Variants in FER observed in about 807,000 individuals in gnomAD.
FER encodes FER tyrosine kinase, also known as tyrosine-protein kinase Fer.
A neutral mutation model predicts 111.0 loss-of-function variants in FER; 63 were observed. That is an observed-to-expected ratio of 0.57 (90% CI 0.46 to 0.70). The LOEUF (loss-of-function observed/expected upper bound fraction) is 0.70, where lower values mean the gene tolerates loss of function less well. FER is among the 30% of genes least tolerant of loss of function. FER has a pLI of 0.00. For missense variants in FER, 914 were observed against 954.0 expected, an observed-to-expected ratio of 0.96 and a Z score of 0.55; for synonymous variants, 327 against 313.9, an observed-to-expected ratio of 1.04 and a Z score of -0.44.
Position 109,012,542 on chromosome 5 carries a change from A to G in FER, c.1657-24880A>G, listed in dbSNP as rs187505490. On this transcript the variant is annotated intron_variant, in intron 13 of 19. Transcript: ENST00000281092. ...TTCAAAGTAAAAGCTTTTATTTTTA[A>G]ATCAATAACATTCAGGTAATATGAT... Among the ~76,000 whole-genome samples the G allele has an allele frequency of 3.0e-3, 460 of 152,358 alleles. 1 individual carries two copies. Among genetic ancestry groups the G allele is most frequent in the Non-Finnish European group, 4.8e-3 (328 of 68,038 alleles).
chr5:109,096,175 A>G (rs1747485619), intron 16 of FER, among the ~76,000 whole-genome samples: 1 of 152,054 alleles, frequency 6.6e-6, no homozygotes, highest in Admixed American at 6.6e-5. Context: ...TTCACAGCAC[A>G]GAGTAGCAGA....
At chr5:109,086,855 A>G (rs1205574293) in intron 16 of FER, among the ~76,000 whole-genome samples, 1 of 151,086 alleles carries the variant, frequency 6.6e-6, no homozygotes. Context: ...AGAAGCTACA[A>G]ATTTAAAATG....
chr5:109,036,353 C>T (rs1770403054), intron 13 of FER, among the ~76,000 whole-genome samples: 1 of 152,010 alleles, frequency 6.6e-6, no homozygotes, highest in African/African-American at 2.4e-5. Flanking sequence ...CCTTTGTTGA[C>T]CTAACAGAGA....
At chr5:109,129,125 A>C (rs1226468987) in intron 17 of FER, among the ~76,000 whole-genome samples, 2 of 152,172 alleles carry the variant, frequency 1.3e-5, no homozygotes, top group East Asian at 1.9e-4. Flanking sequence ...TGTTGGAACA[A>C]TTATGTAACT....
intron 13 of FER, among the ~76,000 whole-genome samples, chr5:108,995,137 C>G (rs1270443738): frequency 6.6e-6 from 1 of 152,118 alleles, no homozygotes; most frequent in Non-Finnish European, 1.5e-5. Flanking sequence ...GCCAGAACTT[C>G]TAATACTGTG....
At chr5:108,882,017 A>AAAACCTTATATATGTGTACCTAATTC (rs1765728775) in intron 8 of FER, among the ~76,000 whole-genome samples, 1 of 152,138 alleles carries the variant, frequency 6.6e-6, no homozygotes, top group Non-Finnish European at 1.5e-5. Context: ...GTATCTTAGA[A>AAAACCTTATATATGTGTACCTAATTC]AAACCTTATA....
At position 109,196,554 on chromosome 5, in the gene FER, T is replaced by C. The variant is rs1397300350; in HGVS notation, c.*8979T>C. 3 of 152,198 alleles carry C rather than the reference T, an allele frequency of 2.0e-5. No individual in the cohort carries two copies. Among genetic ancestry groups the C allele is most frequent in the Admixed American group, 6.5e-5 (1 of 15,284 alleles). 9.4% of individuals were successfully genotyped at this position (152,198 alleles called of 1,614,324 possible). On this transcript the variant is annotated 3_prime_UTR_variant, in exon 20 of 20. Coordinates refer to ENST00000281092, the MANE Select transcript of FER (RefSeq NM_005246.4). ...GTCTGAAAAATGGATGAAAGCTAAA[T>C]ATATAAAGCAGTTGGTTGTCTATCT...
chr5:109,024,945 T>C (rs1768475853), intron 13 of FER, among the ~76,000 whole-genome samples: 2 of 151,000 alleles, frequency 1.3e-5, no homozygotes, highest in African/African-American at 4.9e-5. Context: ...TACGGCCTTA[T>C]TTCTGAGGGC....
chr5:109,119,383 G>A (rs1003235702), intron 17 of FER, among the ~76,000 whole-genome samples: 49 of 152,114 alleles, frequency 3.2e-4, no homozygotes, highest in African/African-American at 1.0e-3. Flanking sequence ...ACAGTTTGTT[G>A]TAATTTCTGT....
chr5:108,971,842 A>C (rs2149699422), intron 13 of FER, among the ~76,000 whole-genome samples: 1 of 152,288 alleles, frequency 6.6e-6, no homozygotes, highest in East Asian at 1.9e-4. Context: ...TATGACATTT[A>C]CAAATATCTC....
At chr5:108,796,586 G>C (rs928314425) in intron 2 of FER, among the ~76,000 whole-genome samples, 2 of 152,102 alleles carry the variant, frequency 1.3e-5, no homozygotes, top group Non-Finnish European at 1.5e-5. Flanking sequence ...CAAGCCATGA[G>C]ACAAAGTCTT....
intron 17 of FER, among the ~76,000 whole-genome samples, chr5:109,180,509 T>G (rs1019587005): frequency 6.6e-6 from 1 of 152,156 alleles, no homozygotes; most frequent in African/African-American, 2.4e-5. Flanking sequence ...GTTTTTCTAT[T>G]TAAATGGAAA....
chr5:109,145,845 T>C (rs1240414645), intron 17 of FER, among the ~76,000 whole-genome samples: 1 of 151,894 alleles, frequency 6.6e-6, no homozygotes, highest in African/African-American at 2.4e-5. Context: ...TTTTAAGGCC[T>C]TGAGTAGATG....
At position 109,194,681 on chromosome 5, in the gene FER, A is replaced by G. The variant is rs946406049; in HGVS notation, c.*7106A>G. On this transcript the variant is annotated 3_prime_UTR_variant, in exon 20 of 20. Transcript: ENST00000281092. ...CTTCTTTTGAAAGTATAGGACAGATATCAGTGGGAAACGTCGGCGTTCTGA... is the reference window on the plus strand; with the variant it reads ...CTTCTTTTGAAAGTATAGGACAGATGTCAGTGGGAAACGTCGGCGTTCTGA... 2.0e-5 allele frequency: 3 copies of G among 152,244 alleles called. No homozygotes were observed. Among genetic ancestry groups the G allele is most frequent in the Admixed American group, 6.5e-5 (1 of 15,286 alleles). The allele number at this position is 152,244 out of a possible 1,614,324, so 9.4% of individuals were successfully genotyped here.
chr5:109,040,488 G>A (rs1771009740), intron 14 of FER, among the ~76,000 whole-genome samples: 1 of 152,154 alleles, frequency 6.6e-6, no homozygotes, highest in African/African-American at 2.4e-5. Context: ...AGTGGTGTCA[G>A]ATGATGCTGA....
At chr5:109,157,475 G>T (rs1755525515) in intron 17 of FER, among the ~76,000 whole-genome samples, 1 of 151,552 alleles carries the variant, frequency 6.6e-6, no homozygotes, top group Non-Finnish European at 1.5e-5. Flanking sequence ...AGTGTACATT[G>T]CTGTTGCTAG....
intron 17 of FER, among the ~76,000 whole-genome samples, chr5:109,136,966 GC>G (rs1481494664): frequency 6.6e-6 from 1 of 152,152 alleles, no homozygotes; most frequent in African/African-American, 2.4e-5. Context: ...AAGCAAAGAA[GC>G]CTTATCCTAA....
intron 13 of FER, among the ~76,000 whole-genome samples, chr5:108,968,916 T>C (rs1184451188): frequency 6.6e-6 from 1 of 152,110 alleles, no homozygotes. Flanking sequence ...TACAAATGAT[T>C]TTAAATATAT....
intron 13 of FER, among the ~76,000 whole-genome samples, chr5:109,021,221 CG>C (rs1561784728): frequency 6.6e-6 from 1 of 151,676 alleles, no homozygotes; most frequent in African/African-American, 2.4e-5. Flanking sequence ...AGATTTTAGC[CG>C]GTGTGCTTAC....
Sources: allele counts gnomAD v4.1 joint callset (sites outside exome capture counted in the v4.1 genomes callset), GRCh38; gene constraint gnomAD v4.1.1; transcripts MANE v1.5; gene names NCBI Gene and HGNC (gene_info 2026-07-23, HGNC 2026-07-21).